The following KCTD17 variants were observed in gnomAD, a reference collection of about 807,000 sequenced individuals.
KCTD17 encodes the protein BTB/POZ domain-containing protein KCTD17.
KCTD17 carries 20 observed loss-of-function variants against 41.5 expected under a neutral mutation model. That is an observed-to-expected ratio of 0.48 (90% CI 0.34 to 0.70). KCTD17 has a LOEUF of 0.70. Among genes scored for constraint, KCTD17 ranks in the 30% least tolerant of loss-of-function variants. The pLI, the probability that KCTD17 is intolerant of heterozygous loss-of-function variation, is 0.01. For missense variants in KCTD17, 317 were observed against 427.2 expected (o/e 0.74, Z 2.27); for synonymous variants, 156 against 173.8 (o/e 0.90, Z 0.80).
Position 37,059,441 on chromosome 22 carries a change from G to T in KCTD17, c.612+3G>T. 1 of 1,605,492 alleles carries T rather than the reference G, an allele frequency of 6.2e-7. No homozygotes were observed. ...CAGAGTCCAGCCGCAAAACCAAGGTGAGCCCACCCGCCTCAGCCTGTGTCC... is the reference window on the plus strand; with the variant it reads ...CAGAGTCCAGCCGCAAAACCAAGGTTAGCCCACCCGCCTCAGCCTGTGTCC... On this transcript the variant is annotated splice_donor_region_variant and intron_variant, in intron 5 of 8. Coordinates refer to ENST00000403888, the MANE Select transcript of KCTD17 (RefSeq NM_001282684.2).
Position 37,062,511 on chromosome 22 carries a change from TC to T in KCTD17, c.876-13del. 2 of 1,510,184 alleles carry T rather than the reference TC, an allele frequency of 1.3e-6. No homozygotes were observed. The highest frequency in any genetic ancestry group is 1.8e-6 in the Non-Finnish European group (2 of 1,120,720). 93.5% of individuals were successfully genotyped at this position (1,510,184 alleles called of 1,614,324 possible). On this transcript the variant is annotated splice_polypyrimidine_tract_variant and intron_variant, in intron 8 of 8. Transcript: ENST00000403888. ...CCCTCCCATCCTCCTGCCCTTCCCC[TC>T]TTTTTTTTCTAGCTGTTACAAGCCA... is the stretch of plus-strand genomic sequence containing the variant.
intron 4 of KCTD17, 88 bp from the exon 5 acceptor site, chr22:37,059,225 C>T (rs1458789974): frequency 6.4e-7 from 1 of 1,573,850 alleles, no homozygotes; most frequent in Non-Finnish European, 8.6e-7. Flanking sequence ...GAGCTGGTAT[C>T]TTGATTTGAG....
Position 37,059,699 on chromosome 22 carries a change from G to T in KCTD17, c.612+261G>T, listed in dbSNP as rs187827072. 2.1e-3 allele frequency among the ~76,000 whole-genome samples: 326 copies of T among 152,322 alleles called. 1 individual carries two copies. Among genetic ancestry groups the T allele is most frequent in the Middle Eastern group, 6.8e-3 (2 of 294 alleles). On this transcript the variant is annotated intron_variant, in intron 5 of 8. Coordinates refer to ENST00000403888, the MANE Select transcript of KCTD17 (RefSeq NM_001282684.2). ...GGCTACATGAAGGGGGCCGCTTAGT[G>T]GCCACTGGGCACTGTGGCATGGACT...
Position 37,061,451 on chromosome 22 carries a change from G to A in KCTD17, c.785-88G>A. On this transcript the variant is annotated intron_variant, in intron 7 of 8. Transcript: ENST00000403888. This position sits in a 1 kb window ranked among gnomAD's most constrained non-coding sequence, Gnocchi z 6.6. ...CACCTCCTCTGTGCCCACTAACCCT[G>A]CCGGGCACCTCTGAGACTGGGCCCT... 6.6e-7 allele frequency: 1 copy of A among 1,512,962 alleles called. No homozygotes were observed. The highest frequency in any genetic ancestry group is 8.8e-7 in the Non-Finnish European group (1 of 1,131,384). The allele number at this position is 1,512,962 out of a possible 1,614,324, so 93.7% of individuals were successfully genotyped here.
intron 2 of KCTD17, 139 bp from the exon 3 acceptor site, chr22:37,056,181 C>A (rs1328075299): frequency 3.2e-6 from 2 of 634,032 alleles, no homozygotes; most frequent in African/African-American, 3.7e-5. Context: ...TCTTACTTGA[C>A]CCCTGAACTC....
In KCTD17 at chr22:37,061,667, G is replaced by T; in HGVS notation, c.875+38G>T. 6.4e-7 allele frequency: 1 copy of T among 1,559,648 alleles called. No individual in the cohort carries two copies. Among genetic ancestry groups the T allele is most frequent in the East Asian group, 2.4e-5 (1 of 42,436 alleles). The stretch of plus-strand genomic sequence containing the variant: ...GCGGTGCTGGAGGGAGGGGTGGAGC[G>T]AGGAGGGTGCTCATCTCTTGATCCT... On this transcript the variant is annotated intron_variant, in intron 8 of 8. Transcript: ENST00000403888. This position sits in a 1 kb window ranked among gnomAD's most constrained non-coding sequence, Gnocchi z 6.6.
chr22:37,053,747 C>T lies in KCTD17; in HGVS notation c.298+539C>T, dbSNP rs1290246384. On this transcript the variant is annotated intron_variant, in intron 2 of 8. Coordinates refer to ENST00000403888, the MANE Select transcript of KCTD17 (RefSeq NM_001282684.2). The surrounding 1 kb of genome is among the most constrained non-coding windows in gnomAD (Gnocchi z 4.1). ...AGGCAGGAGAGGGGGGAGTCTGCTT[C>T]CCAGTGGGGCTTTGGTTATCCCCAG... 2.6e-5 allele frequency among the ~76,000 whole-genome samples: 4 copies of T among 152,124 alleles called. No individual in the cohort carries two copies. The highest frequency in any genetic ancestry group is 7.2e-5 in the African/African-American group (3 of 41,430).
chr22:37,051,923 C>G lies in KCTD17; in HGVS notation c.163C>G (p.Gln55Glu), dbSNP rs1489028642. ...EQKSFLSRLC[Q>E]GEELQSDRDE... is the part of the protein sequence containing the mutation. ...GAAGTCCTTCCTCAGCCGCCTGTGC[C>G]AGGGGGAAGAGCTGCAGTCGGACCG... is the stretch of plus-strand genomic sequence containing the variant. Residue 55 changes from glutamine to glutamate, a missense_variant, in exon 1 of 9, where the codon CAG becomes GAG. Transcript: ENST00000403888. 2 of 1,500,036 alleles carry G rather than the reference C, an allele frequency of 1.3e-6. No homozygotes were observed. The highest frequency in any genetic ancestry group is 2.5e-5 in the South Asian group (2 of 78,646). 92.9% of individuals were successfully genotyped at this position (1,500,036 alleles called of 1,614,324 possible).
At chr22:37,060,735 A>G in intron 5 of KCTD17, 88 bp from the exon 6 acceptor site, 1 of 1,421,382 alleles carries the variant, frequency 7.0e-7, no homozygotes, top group Non-Finnish European at 9.2e-7. Context: ...CTTGCCTGAG[A>G]CCGGGTCTTT....
Position 37,061,958 on chromosome 22 carries a change from C to T in KCTD17, c.875+329C>T, listed in dbSNP as rs1369884944. On this transcript the variant is annotated intron_variant, in intron 8 of 8. Coordinates refer to ENST00000403888, the MANE Select transcript of KCTD17 (RefSeq NM_001282684.2). The surrounding 1 kb of genome is among the most constrained non-coding windows in gnomAD (Gnocchi z 6.6). ...CTGTGGGGATGGGGAGGACAGGCCA[C>T]TTTTGGATACCCTTGGCCCATGAAG... is the stretch of plus-strand genomic sequence containing the variant. 2.0e-6 allele frequency: 2 copies of T among 985,434 alleles called. No individual in the cohort carries two copies. Among genetic ancestry groups the T allele is most frequent in the Non-Finnish European group, 2.4e-6 (2 of 829,928 alleles). The allele number at this position is 985,434 out of a possible 1,614,324, so 61.0% of individuals were successfully genotyped here.
chr22:37,057,544 C>A, intron 4 of KCTD17, 51 bp downstream of exon 4: 1 of 1,468,384 alleles, frequency 6.8e-7, no homozygotes, highest in East Asian at 2.3e-5. Context: ...GACCTCCTAG[C>A]CTCTGACCAA....
Position 37,062,823 on chromosome 22 carries a change from C to A in KCTD17, c.*229C>A. ...GCAATGTCTGGCTGTGTCTCTCCGGCACCTGCGTCCCCTCTCCCGGGCTCC... is the reference window on the plus strand; with the variant it reads ...GCAATGTCTGGCTGTGTCTCTCCGGAACCTGCGTCCCCTCTCCCGGGCTCC... On this transcript the variant is annotated 3_prime_UTR_variant, in exon 9 of 9. Coordinates refer to ENST00000403888, the MANE Select transcript of KCTD17 (RefSeq NM_001282684.2). The A allele has an allele frequency of 1.1e-6, 1 of 942,098 alleles. No homozygotes were observed. Among genetic ancestry groups the A allele is most frequent in the Non-Finnish European group, 1.5e-6 (1 of 659,054 alleles). The allele number at this position is 942,098 out of a possible 1,614,324, so 58.4% of individuals were successfully genotyped here. A position where few individuals can be genotyped will look rare whatever the true frequency, so the allele number is the denominator to read the frequency against.
chr22:37,061,068 C>T lies in KCTD17; in HGVS notation c.713-36C>T, dbSNP rs1395431773. On this transcript the variant is annotated intron_variant, in intron 6 of 8. Transcript: ENST00000403888. The surrounding 1 kb of genome is among the most constrained non-coding windows in gnomAD (Gnocchi z 6.6). The stretch of plus-strand genomic sequence containing the variant: ...TCAGCCACTTGCCTGGCGCCTCACC[C>T]GCATAACCATCCCTTCTCTCACTTT... 5.2e-6 allele frequency: 8 copies of T among 1,551,296 alleles called. No homozygotes were observed. Among genetic ancestry groups the T allele is most frequent in the South Asian group, 3.6e-5 (3 of 84,060 alleles).
At position 37,053,281 on chromosome 22, in the gene KCTD17, T is replaced by C. The variant is rs1418894228; in HGVS notation, c.298+73T>C. On this transcript the variant is annotated intron_variant, in intron 2 of 8. Transcript: ENST00000403888. The surrounding 1 kb of genome is among the most constrained non-coding windows in gnomAD (Gnocchi z 4.1). Reference sequence around the variant, plus strand: ...GCCCTCTGTGGAGGCCCCAAGCCATTTGGACAACCAGGACGGCCATCTGCC... The same window carrying C: ...GCCCTCTGTGGAGGCCCCAAGCCATCTGGACAACCAGGACGGCCATCTGCC... 3 of 1,181,910 alleles carry C rather than the reference T, an allele frequency of 2.5e-6. No individual in the cohort carries two copies. Among genetic ancestry groups the C allele is most frequent in the Admixed American group, 2.0e-5 (1 of 49,502 alleles). The allele number at this position is 1,181,910 out of a possible 1,614,324, so 73.2% of individuals were successfully genotyped here. A position where few individuals can be genotyped will look rare whatever the true frequency, so the allele number is the denominator to read the frequency against.
At position 37,059,450 on chromosome 22, in the gene KCTD17, C is replaced by G. The variant is rs368650232; in HGVS notation, c.612+12C>G. 2.5e-6 allele frequency: 4 copies of G among 1,603,880 alleles called. No individual in the cohort carries two copies. In the South Asian group the frequency reaches 3.3e-5, roughly 13 times the overall value. On this transcript the variant is annotated intron_variant, in intron 5 of 8. Transcript: ENST00000403888. ...GCCGCAAAACCAAGGTGAGCCCACC[C>G]GCCTCAGCCTGTGTCCGGAGAAGTC...
At chr22:37,062,397 C>CCTCT in intron 8 of KCTD17, 128 bp from the exon 9 acceptor site, 1 of 1,362,324 alleles carries the variant, frequency 7.3e-7, no homozygotes, top group Non-Finnish European at 9.6e-7. Context: ...GACTCAACTG[C>CCTCT]CTCTCTCTCT....
At chr22:37,060,414 C>T (rs1285729485) in intron 5 of KCTD17, among the ~76,000 whole-genome samples, 1 of 152,134 alleles carries the variant, frequency 6.6e-6, no homozygotes, top group Non-Finnish European at 1.5e-5. Context: ...GACTGGCTGG[C>T]ATCCCAGATC....
At chr22:37,052,463 G>A in intron 1 of KCTD17, 1 of 452,386 alleles carries the variant, frequency 2.2e-6, no homozygotes, top group South Asian at 1.6e-5. Flanking sequence ...ACTGCCTGCC[G>A]CGACCTTGAG....
At chr22:37,062,063 T>C in intron 8 of KCTD17, 11 of 982,864 alleles carry the variant, frequency 1.1e-5, no homozygotes, top group Non-Finnish European at 1.2e-5. Context: ...TATCCCACTC[T>C]TTTCTGCCTG....
Sources: gnomAD v4.1 joint callset for allele counts (sites outside exome capture counted in the v4.1 genomes callset) on GRCh38, gnomAD v4.1.1 for gene constraint, Gnocchi (gnomAD v3.1) non-coding constraint, MANE v1.5 for transcripts, NCBI Gene and HGNC (gene_info 2026-07-23, HGNC 2026-07-21) for gene names.